DIABLO: variants seen among roughly 807,000 people sequenced by gnomAD.
DIABLO encodes diablo IAP-binding mitochondrial protein.
In DIABLO, 32 loss-of-function variants were observed where a neutral mutation model predicts 31.7. The ratio of observed to expected loss-of-function variants is 1.01; its 90% CI spans 0.76 to 1.35. DIABLO has a LOEUF of 1.35. DIABLO is among the 40% of genes most tolerant of loss of function. The pLI is 0.00. For missense variants in DIABLO, 316 were observed against 286.4 expected, an observed-to-expected ratio of 1.10 and a Z score of -0.75; for synonymous variants, 132 against 103.2, an observed-to-expected ratio of 1.28 and a Z score of -1.69.
Position 122,216,597 on chromosome 12 carries a change from A to G in DIABLO, c.427-13T>C. On this transcript the variant is annotated splice_polypyrimidine_tract_variant and intron_variant, in intron 4 of 5. Coordinates refer to ENST00000464942, the MANE Select transcript of DIABLO (RefSeq NM_001371333.1). ...GTTTTGAAGTCATCTATATAAATCA[A>G]GCAAAGTGCTTCAGACAGCATAAGA... 1.2e-6 allele frequency: 2 copies of G among 1,613,392 alleles called. No homozygotes were observed. The highest frequency in any genetic ancestry group is 1.7e-6 in the Non-Finnish European group (2 of 1,179,280).
intron 5 of DIABLO, chr12:122,208,956 C>T: frequency 2.7e-6 from 1 of 364,194 alleles, no homozygotes; most frequent in Non-Finnish European, 5.3e-6. Flanking sequence ...CCTTTCATCA[C>T]CTTGACTAAT....
intron 2 of DIABLO, among the ~76,000 whole-genome samples, chr12:122,222,738 C>A (rs935185943): frequency 6.6e-6 from 1 of 152,074 alleles, no homozygotes; most frequent in Non-Finnish European, 1.5e-5. Context: ...TAGATTCTTA[C>A]AAGAAGCACA....
At chr12:122,226,680 A>T (rs1171544674), upstream of DIABLO, 3 of 617,620 alleles carry the variant, frequency 4.9e-6, no homozygotes, top group South Asian at 5.5e-5. Context: ...AAGGCCAGGA[A>T]GCCCACAGTG....
chr12:122,221,966 G>A (rs948944573), intron 2 of DIABLO: 1 of 152,210 alleles, frequency 6.6e-6, no homozygotes, highest in Admixed American at 6.5e-5. Context: ...GCACAGTAAG[G>A]TGAGGGCTCA....
chr12:122,225,825 C>T, intron 1 of DIABLO, 140 bp downstream of exon 1: 1 of 1,508,170 alleles, frequency 6.6e-7, no homozygotes, highest in South Asian at 1.2e-5. Context: ...GTCCTCCCGA[C>T]CGGAGCGAGA....
upstream of DIABLO, chr12:122,226,581 C>T (rs990699280): frequency 5.1e-5 from 35 of 693,000 alleles, no homozygotes; most frequent in Admixed American, 8.1e-5. Flanking sequence ...GCGCGGGAGC[C>T]CCAGGACGGT....
intron 5 of DIABLO, among the ~76,000 whole-genome samples, chr12:122,215,388 G>A (rs528088482): frequency 2.0e-5 from 3 of 152,066 alleles, no homozygotes; most frequent in Non-Finnish European, 2.9e-5. Flanking sequence ...AGACCAGCCT[G>A]GCCAACATGG....
At position 122,209,544 on chromosome 12, in the gene DIABLO, A is replaced by G. The variant is rs961157557; in HGVS notation, c.524-967T>C. ...GCTGGGTGTGGCAGAGTGCACCTGC[A>G]GTCTCAGCTACTTGGGAGCCTGAAG... On this transcript the variant is annotated intron_variant, in intron 5 of 5. Transcript: ENST00000464942. 2.0e-5 allele frequency among the ~76,000 whole-genome samples: 3 copies of G among 152,044 alleles called. No individual in the cohort carries two copies. In the East Asian group the frequency reaches 5.8e-4, roughly 29 times the overall value.
At chr12:122,221,053 C>T (rs1460809834) in intron 2 of DIABLO, 1 of 152,150 alleles carries the variant, frequency 6.6e-6, no homozygotes, top group East Asian at 1.9e-4. Context: ...ACATCTAGAC[C>T]TCAAACCAAA....
intron 2 of DIABLO, among the ~76,000 whole-genome samples, chr12:122,218,975 C>A (rs1435978165): frequency 6.8e-6 from 1 of 146,456 alleles, no homozygotes; most frequent in Admixed American, 6.9e-5. Context: ...TGGCTCACGC[C>A]TGTAATCCCA....
At chr12:122,214,598 G>T (rs1954163576) in intron 5 of DIABLO, among the ~76,000 whole-genome samples, 1 of 152,098 alleles carries the variant, frequency 6.6e-6, no homozygotes, top group African/African-American at 2.4e-5. Context: ...GCTAATTTTT[G>T]TATTTTTGGT....
intron 5 of DIABLO, among the ~76,000 whole-genome samples, chr12:122,212,366 A>G (rs769006901): frequency 6.6e-6 from 1 of 152,170 alleles, no homozygotes; most frequent in Non-Finnish European, 1.5e-5. Flanking sequence ...TTCCTTCTTC[A>G]TAGTTCTTCC....
chr12:122,215,156 G>C (rs2136092981), intron 5 of DIABLO, among the ~76,000 whole-genome samples: 1 of 152,288 alleles, frequency 6.6e-6, no homozygotes, highest in East Asian at 1.9e-4. Flanking sequence ...GCCAGGCGTG[G>C]TGGTGCATGC....
At chr12:122,226,712 T>G, upstream of DIABLO, 1 of 580,174 alleles carries the variant, frequency 1.7e-6, no homozygotes, top group South Asian at 2.1e-5. Flanking sequence ...AACAGCCTCC[T>G]GGACGCTCGC....
intron 3 of DIABLO, 187 bp from the exon 4 acceptor site, chr12:122,217,056 A>C (rs1954230411): frequency 3.5e-6 from 2 of 566,474 alleles, no homozygotes; most frequent in Non-Finnish European, 6.3e-6. Context: ...CTCCATCTGT[A>C]AACTTCTGTG....
At position 122,216,770 on chromosome 12, in the gene DIABLO, C is replaced by T. The variant is rs778516044; in HGVS notation, c.415G>A (p.Ala139Thr). 2 of 1,613,856 alleles carry T rather than the reference C, an allele frequency of 1.2e-6. No homozygotes were observed. Among genetic ancestry groups the T allele is most frequent in the Admixed American group, 1.7e-5 (1 of 60,026 alleles). Reference protein sequence around the residue: ...EDEVWQVIIGARAEMTSKHQE... With the variant: ...EDEVWQVIIGTRAEMTSKHQE... Reference sequence around the variant, plus strand: ...AACTTTCTGCTTACCTCAGCTCTGGCTCCTATGATCACCTGCCACACTTCA... The same window carrying T: ...AACTTTCTGCTTACCTCAGCTCTGGTTCCTATGATCACCTGCCACACTTCA... The change falls in exon 4 of 6, where the codon GCC becomes ACC. Residue 139 changes from alanine (A) to threonine (T), a missense_variant. By Grantham distance (58) the Ala-to-Thr change is moderately conservative. Coordinates refer to ENST00000464942, the MANE Select transcript of DIABLO (RefSeq NM_001371333.1).
intron 5 of DIABLO, among the ~76,000 whole-genome samples, chr12:122,215,719 G>C (rs1470903075): frequency 2.0e-5 from 3 of 151,660 alleles, no homozygotes; most frequent in Non-Finnish European, 4.4e-5. Context: ...CTGGCTGCTG[G>C]GAGAATAGGA....
At chr12:122,211,077 TAAAAAAAA>T (rs1156571584) in intron 5 of DIABLO, among the ~76,000 whole-genome samples, 15 of 14,338 alleles carry the variant, frequency 1.0e-3, no homozygotes, top group African/African-American at 1.4e-3. Flanking sequence ...TAGTTAAAAG[TAAAAAAAA>T]AAAAAAAAAA....
chr12:122,221,014 G>T (rs1225118254), intron 2 of DIABLO: 1 of 152,192 alleles, frequency 6.6e-6, no homozygotes, highest in Non-Finnish European at 1.5e-5. Flanking sequence ...TGGAAGCTCA[G>T]AATAGTTATG....
Sources: gnomAD v4.1 joint callset for allele counts (sites outside exome capture counted in the v4.1 genomes callset) on GRCh38, gnomAD v4.1.1 for gene constraint, MANE v1.5 for transcripts, NCBI Gene and HGNC (gene_info 2026-07-23, HGNC 2026-07-21) for gene names.